SEMA6D: variants seen among roughly 807,000 people sequenced by gnomAD.
The protein encoded by SEMA6D is semaphorin-6D.
Under a neutral mutation model 106.6 loss-of-function variants are expected in SEMA6D, and 35 were observed. The observed-to-expected ratio is 0.33, with a 90% CI of 0.25 to 0.44. The LOEUF (loss-of-function observed/expected upper bound fraction) is 0.44. SEMA6D is among the 20% of genes least tolerant of loss of function. The probability of loss-of-function intolerance (pLI) is 1.00; values close to 1 mark genes in which losing one functional copy is unlikely to be tolerated. For missense variants in SEMA6D, 1,185 were observed against 1,345.9 expected (o/e 0.88, Z 1.87); for synonymous variants, 499 against 487.7 (o/e 1.02, Z -0.31).
intron 1 of SEMA6D, among the ~76,000 whole-genome samples, chr15:47,196,503 G>A (rs1894371064): frequency 6.6e-6 from 1 of 152,126 alleles, no homozygotes; most frequent in Non-Finnish European, 1.5e-5. Flanking sequence ...GGGAAATTGA[G>A]CAGTTTTAAC....
chr15:47,219,490 A>G (rs1017655725), intron 1 of SEMA6D, among the ~76,000 whole-genome samples: 1 of 152,160 alleles, frequency 6.6e-6, no homozygotes, highest in Non-Finnish European at 1.5e-5. Context: ...GGTATGTTCT[A>G]CCTGGGTCTC....
intron 1 of SEMA6D, among the ~76,000 whole-genome samples, chr15:47,410,125 C>T (rs905732649): frequency 4.0e-5 from 6 of 151,342 alleles, no homozygotes; most frequent in African/African-American, 1.5e-4. Context: ...CAGGCATGTG[C>T]CACCACGCCC....
At chr15:47,494,717 T>C (rs2043581016) in intron 3 of SEMA6D, among the ~76,000 whole-genome samples, 1 of 128,954 alleles carries the variant, frequency 7.8e-6, no homozygotes, top group African/African-American at 2.8e-5. Context: ...AAAGTACATT[T>C]AAAAATCTGG....
intron 1 of SEMA6D, among the ~76,000 whole-genome samples, chr15:47,748,109 G>T (rs1165401553): frequency 6.6e-6 from 1 of 152,208 alleles, no homozygotes; most frequent in Non-Finnish European, 1.5e-5. Context: ...GTTTGTTAAT[G>T]ATGGGTAGGT....
intron 4 of SEMA6D, among the ~76,000 whole-genome samples, chr15:47,642,733 A>G (rs778007733): frequency 6.6e-6 from 1 of 152,188 alleles, no homozygotes; most frequent in Non-Finnish European, 1.5e-5. Context: ...GACTGAGTAT[A>G]TGATGGCTGA....
At chr15:47,251,903 T>C (rs901734934) in intron 1 of SEMA6D, among the ~76,000 whole-genome samples, 1 of 146,692 alleles carries the variant, frequency 6.8e-6, no homozygotes, top group Non-Finnish European at 1.5e-5. Flanking sequence ...CACTTTCTAA[T>C]TGGATTTTTT....
intron 3 of SEMA6D, among the ~76,000 whole-genome samples, chr15:47,590,065 C>A (rs572501589): frequency 6.6e-6 from 1 of 152,240 alleles, no homozygotes; most frequent in African/African-American, 2.4e-5. Context: ...AATAGGGTCT[C>A]TGTACATATG....
At chr15:47,337,097 A>G (rs747763793) in intron 1 of SEMA6D, among the ~76,000 whole-genome samples, 2 of 152,144 alleles carry the variant, frequency 1.3e-5, no homozygotes, top group Admixed American at 1.3e-4. Context: ...GGGTGCATCA[A>G]GGTAGAGCAA....
chr15:47,344,874 A>G (rs1387341673), intron 1 of SEMA6D, among the ~76,000 whole-genome samples: 2 of 152,344 alleles, frequency 1.3e-5, no homozygotes, highest in African/African-American at 2.4e-5. Context: ...TAAAATATCA[A>G]TATACAAAAG....
At chr15:47,319,334 G>A (rs2036830659) in intron 1 of SEMA6D, among the ~76,000 whole-genome samples, 1 of 152,142 alleles carries the variant, frequency 6.6e-6, no homozygotes, top group Non-Finnish European at 1.5e-5. Flanking sequence ...TTCATGTTGT[G>A]TTTTTTGCCA....
chr15:47,384,814 G>GTTTTTTTGTTTTTTTTTT (rs1567042573), intron 1 of SEMA6D, among the ~76,000 whole-genome samples: 2 of 65,694 alleles, frequency 3.0e-5, no homozygotes, highest in Non-Finnish European at 5.6e-5. Flanking sequence ...GATTACTAAA[G>GTTTTTTTGTTTTTTTTTT]TTTTTTTTTT....
chr15:47,765,797 C>T (rs1277952707), intron 13 of SEMA6D, 72 bp from the exon 14 acceptor site: 2 of 1,354,378 alleles, frequency 1.5e-6, no homozygotes, highest in African/African-American at 1.5e-5. Flanking sequence ...TTTCCCAGGT[C>T]TCAGTAATTG....
At chr15:47,515,149 A>G (rs976193317) in intron 3 of SEMA6D, among the ~76,000 whole-genome samples, 3 of 152,100 alleles carry the variant, frequency 2.0e-5, no homozygotes, top group Non-Finnish European at 4.4e-5. Flanking sequence ...CTAAATGACC[A>G]TCCTCCAACC....
intron 1 of SEMA6D, among the ~76,000 whole-genome samples, chr15:47,206,406 C>T (rs192771056): frequency 9.9e-5 from 15 of 152,204 alleles, no homozygotes; most frequent in African/African-American, 3.1e-4. Flanking sequence ...GTTACAATAC[C>T]AGTTGAAGGC....
intron 1 of SEMA6D, among the ~76,000 whole-genome samples, chr15:47,747,087 T>C (rs2081186459): frequency 6.6e-6 from 1 of 151,856 alleles, no homozygotes; most frequent in African/African-American, 2.4e-5. Flanking sequence ...ATATATTTTG[T>C]CATCTTCCCG....
chr15:47,302,997 A>G (rs1194898546), intron 1 of SEMA6D, among the ~76,000 whole-genome samples: 2 of 152,236 alleles, frequency 1.3e-5, no homozygotes, highest in Non-Finnish European at 1.5e-5. Flanking sequence ...GCGAGGACAC[A>G]CCACTCTGCT....
intron 3 of SEMA6D, among the ~76,000 whole-genome samples, chr15:47,557,776 T>G (rs1286472802): frequency 6.6e-6 from 1 of 152,198 alleles, no homozygotes; most frequent in African/African-American, 2.4e-5. Context: ...TTAACATCTC[T>G]TCATCAAAGG....
intron 2 of SEMA6D, among the ~76,000 whole-genome samples, chr15:47,416,622 T>C (rs899863154): frequency 3.9e-5 from 6 of 152,090 alleles, no homozygotes; most frequent in Non-Finnish European, 8.8e-5. Context: ...AAAAGGTAAT[T>C]TCTCTGTTCA....
At chr15:47,234,941 T>A (rs983050554) in intron 1 of SEMA6D, among the ~76,000 whole-genome samples, 1 of 152,046 alleles carries the variant, frequency 6.6e-6, no homozygotes, top group Non-Finnish European at 1.5e-5. Flanking sequence ...CCCATAGAGA[T>A]CAGATTAATT....
Sources: allele counts gnomAD v4.1 joint callset (sites outside exome capture counted in the v4.1 genomes callset), GRCh38; gene constraint gnomAD v4.1.1; transcripts MANE v1.5; gene names NCBI Gene and HGNC (gene_info 2026-07-23, HGNC 2026-07-21).